ABTB3: variants seen among roughly 807,000 people sequenced by gnomAD.
The protein encoded by ABTB3 is ankyrin repeat and BTB domain containing 3, also known as ankyrin repeat- and BTB/POZ domain-containing protein 3.
the ABTB3 span, among the ~76,000 whole-genome samples, chr12:107,608,654 G>T: frequency 3.3e-5 from 5 of 152,038 alleles, no homozygotes; most frequent in Non-Finnish European, 5.9e-5. Flanking sequence ...AGAATTGCTT[G>T]AGGCCAGGAG....
chr12:107,603,626 A>C, the ABTB3 span, among the ~76,000 whole-genome samples: 3 of 152,254 alleles, frequency 2.0e-5, no homozygotes, highest in Non-Finnish European at 4.4e-5. Flanking sequence ...GGAAATTTCC[A>C]TAACATTGGC....
the ABTB3 span, among the ~76,000 whole-genome samples, chr12:107,432,935 A>G: frequency 6.6e-6 from 1 of 152,296 alleles, no homozygotes; most frequent in South Asian, 2.1e-4. Flanking sequence ...CTCATTAACA[A>G]GCACACACCT....
chr12:107,453,919 C>A, the ABTB3 span, among the ~76,000 whole-genome samples: 2 of 152,122 alleles, frequency 1.3e-5, no homozygotes, highest in African/African-American at 4.8e-5. Context: ...TGGATGACTC[C>A]TGAGTTTCCT....
At chr12:107,572,676 A>C in the ABTB3 span, among the ~76,000 whole-genome samples, 1 of 152,290 alleles carries the variant, frequency 6.6e-6, no homozygotes, top group African/African-American at 2.4e-5. Flanking sequence ...TGGTGGTTGA[A>C]GTCATGGGAC....
the ABTB3 span, among the ~76,000 whole-genome samples, chr12:107,611,100 A>G: frequency 2.0e-5 from 3 of 152,206 alleles, no homozygotes; most frequent in African/African-American, 7.2e-5. Flanking sequence ...TAATACACAC[A>G]CACACAAACA....
At chr12:107,488,164 G>C in the ABTB3 span, among the ~76,000 whole-genome samples, 1 of 152,082 alleles carries the variant, frequency 6.6e-6, no homozygotes, top group African/African-American at 2.4e-5. Flanking sequence ...CTGGGTATCA[G>C]AGTCAGACCT....
the ABTB3 span, among the ~76,000 whole-genome samples, chr12:107,462,818 G>A: frequency 6.6e-6 from 1 of 151,786 alleles, no homozygotes; most frequent in East Asian, 1.9e-4. Context: ...ATAATGTAGT[G>A]ATAGTGATGA....
the ABTB3 span, among the ~76,000 whole-genome samples, chr12:107,360,803 G>T: frequency 6.2e-4 from 95 of 152,072 alleles, no homozygotes; most frequent in Non-Finnish European, 1.2e-3. Flanking sequence ...GCCCAGGCTG[G>T]AATGCAGTGA....
At chr12:107,454,723 T>C in the ABTB3 span, among the ~76,000 whole-genome samples, 1 of 152,188 alleles carries the variant, frequency 6.6e-6, no homozygotes, top group East Asian at 1.9e-4. Flanking sequence ...TGCTCTAAAC[T>C]GCAGACCCCA....
chr12:107,613,965 G>A, the ABTB3 span, among the ~76,000 whole-genome samples: 1 of 152,150 alleles, frequency 6.6e-6, no homozygotes, highest in African/African-American at 2.4e-5. Flanking sequence ...TTTGGAATCT[G>A]TGGGGATTTT....
chr12:107,529,023 AATGGTG>A, the ABTB3 span, among the ~76,000 whole-genome samples: 3 of 142,654 alleles, frequency 2.1e-5, no homozygotes, highest in African/African-American at 7.9e-5. Context: ...TGGTGATGAT[AATGGTG>A]ATGGTGATGA....
At chr12:107,417,735 G>T in the ABTB3 span, among the ~76,000 whole-genome samples, 1 of 152,206 alleles carries the variant, frequency 6.6e-6, no homozygotes, top group Non-Finnish European at 1.5e-5. Context: ...CCTGTGCTCA[G>T]ACATTGTGCT....
chr12:107,440,847 A>C, the ABTB3 span, among the ~76,000 whole-genome samples: 1 of 152,244 alleles, frequency 6.6e-6, no homozygotes, highest in Non-Finnish European at 1.5e-5. Flanking sequence ...TGCATGAATG[A>C]CTGCCTGGGC....
the ABTB3 span, among the ~76,000 whole-genome samples, chr12:107,557,344 A>C: frequency 6.6e-6 from 1 of 152,186 alleles, no homozygotes; most frequent in Non-Finnish European, 1.5e-5. Context: ...AAACAGATCT[A>C]AACCTAGAAA....
chr12:107,642,243 C>G, the ABTB3 span: 11 of 1,400,802 alleles, frequency 7.9e-6, no homozygotes, highest in Non-Finnish European at 1.1e-5. Context: ...AGATCCTCAG[C>G]CTGAGGATTG....
At chr12:107,450,388 G>A in the ABTB3 span, among the ~76,000 whole-genome samples, 13 of 152,006 alleles carry the variant, frequency 8.6e-5, no homozygotes, top group South Asian at 1.0e-3. Context: ...TAGATGACAC[G>A]GGAGCCTTCA....
the ABTB3 span, among the ~76,000 whole-genome samples, chr12:107,610,923 A>G: frequency 7.2e-5 from 11 of 152,188 alleles, no homozygotes; most frequent in Non-Finnish European, 1.3e-4. Context: ...ATGGACAGAG[A>G]AAACAAACAG....
chr12:107,632,457 T>C, the ABTB3 span, among the ~76,000 whole-genome samples: 1 of 152,218 alleles, frequency 6.6e-6, no homozygotes, highest in Admixed American at 6.5e-5. Context: ...ACAGGTCTTA[T>C]CTTTTTTATG....
chr12:107,439,222 C>T, the ABTB3 span, among the ~76,000 whole-genome samples: 1 of 152,150 alleles, frequency 6.6e-6, no homozygotes, highest in Non-Finnish European at 1.5e-5. Flanking sequence ...AGAATTTAAC[C>T]TTAGCCAGAC....
Sources: allele counts gnomAD v4.1 joint callset (sites outside exome capture counted in the v4.1 genomes callset), GRCh38; gene constraint gnomAD v4.1.1; transcripts MANE v1.5; gene names NCBI Gene and HGNC (gene_info 2026-07-23, HGNC 2026-07-21).